The following GSG1L variants were observed in gnomAD, a reference collection of about 807,000 sequenced individuals.
GSG1L encodes the protein germ cell-specific gene 1-like protein.
A neutral mutation model predicts 42.1 loss-of-function variants in GSG1L; 24 were observed. The observed-to-expected ratio is 0.57, with a 90% CI of 0.41 to 0.80. The LOEUF (loss-of-function observed/expected upper bound fraction) is 0.80. Ranked by LOEUF, GSG1L falls within the 30% of genes least tolerant of loss-of-function variation. GSG1L has a pLI of 0.00. For synonymous variants in GSG1L, 215 were observed against 203.5 expected, an observed-to-expected ratio of 1.06 and a Z score of -0.48; for missense variants, 445 against 472.2, an observed-to-expected ratio of 0.94 and a Z score of 0.53.
intron 2 of GSG1L, among the ~76,000 whole-genome samples, chr16:27,956,946 G>A (rs1321035225): frequency 6.6e-6 from 1 of 152,210 alleles, no homozygotes; most frequent in Non-Finnish European, 1.5e-5. Context: ...TATTTGGTAG[G>A]AGACTCTTGC....
chr16:27,980,901 C>A (rs150642657), intron 1 of GSG1L, among the ~76,000 whole-genome samples: 793 of 126,342 alleles, frequency 6.3e-3, no homozygotes, highest in Middle Eastern at 0.013. Context: ...AACCAAAAAA[C>A]AAAAAAAAAA....
intron 1 of GSG1L, among the ~76,000 whole-genome samples, chr16:27,968,281 G>T (rs1278794754): frequency 6.6e-6 from 1 of 151,576 alleles, no homozygotes; most frequent in Non-Finnish European, 1.5e-5. Flanking sequence ...ATAAGGTCTT[G>T]CCCTGTTGCC....
intron 2 of GSG1L, among the ~76,000 whole-genome samples, chr16:27,935,823 A>C (rs2084709578): frequency 1.4e-5 from 2 of 147,756 alleles, no homozygotes; most frequent in South Asian, 4.5e-4. Flanking sequence ...ACAAGCATCC[A>C]TCCTCCTCCT....
rs376946733 is a variant in GSG1L, at chr16:27,870,928, T to G, written c.550+13558A>C. 3.3e-5 allele frequency among the ~76,000 whole-genome samples: 5 copies of G among 151,482 alleles called. No individual in the cohort carries two copies. The East Asian group carries it at 5.8e-4, about 18-fold the overall frequency. Reference sequence around the variant, plus strand: ...CTCTCCAGCCTGTACCGGCCCTGCCTGCCCTTCCTGTACCCCAACAACAGT... The same window carrying G: ...CTCTCCAGCCTGTACCGGCCCTGCCGGCCCTTCCTGTACCCCAACAACAGT... On this transcript the variant is annotated intron_variant, in intron 3 of 6. Transcript: ENST00000447459.
intron 4 of GSG1L, among the ~76,000 whole-genome samples, chr16:27,843,987 G>A (rs1255302886): frequency 6.6e-6 from 1 of 152,164 alleles, no homozygotes; most frequent in Non-Finnish European, 1.5e-5. Context: ...AGCCAGCCCA[G>A]CAACAAAGTA....
At position 27,807,450 on chromosome 16, in the gene GSG1L, A is replaced by G. The variant is rs372065461; in HGVS notation, c.898+37T>C. 2.1e-5 allele frequency: 33 copies of G among 1,571,596 alleles called. No homozygotes were observed. The African/African-American group carries it at 4.3e-4, about 21-fold the overall frequency. ...TTCTTTCTCCTCTGGCAGCCCATGA[A>G]TCTGTCGTAGCAGATACCCACAAAC... On this transcript the variant is annotated intron_variant, in intron 6 of 6. Coordinates refer to ENST00000447459, the MANE Select transcript of GSG1L (RefSeq NM_001109763.2).
chr16:28,063,636 G>C lies in GSG1L; in HGVS notation c.-212C>G, dbSNP rs908794844. 1 of 149,712 alleles carries C rather than the reference G, an allele frequency of 6.7e-6. No homozygotes were observed. Among genetic ancestry groups the C allele is most frequent in the African/African-American group, 2.5e-5 (1 of 40,592 alleles). The allele number at this position is 149,712 out of a possible 1,614,324, so 9.3% of individuals were successfully genotyped here. A position where few individuals can be genotyped will look rare whatever the true frequency, so the allele number is the denominator to read the frequency against. On this transcript the variant is annotated 5_prime_UTR_variant, in exon 1 of 7. Coordinates refer to ENST00000447459, the MANE Select transcript of GSG1L (RefSeq NM_001109763.2). This position sits in a 1 kb window ranked among gnomAD's most constrained non-coding sequence, Gnocchi z 5.8. ...GGCGTGCGGGGCGGGCTGGCGGGGCGGGCGGCGGTGGAGGAGCGGCTACGG... is the reference window on the plus strand; with the variant it reads ...GGCGTGCGGGGCGGGCTGGCGGGGCCGGCGGCGGTGGAGGAGCGGCTACGG...
At chr16:27,981,009 T>C (rs909803099) in intron 1 of GSG1L, among the ~76,000 whole-genome samples, 1 of 151,676 alleles carries the variant, frequency 6.6e-6, no homozygotes, top group Non-Finnish European at 1.5e-5. Flanking sequence ...AGGATTCCAA[T>C]CAAGACAGCT....
At chr16:27,939,153 G>A (rs1160622778) in intron 2 of GSG1L, among the ~76,000 whole-genome samples, 8 of 151,632 alleles carry the variant, frequency 5.3e-5, no homozygotes, top group East Asian at 3.9e-4. Flanking sequence ...ACAGGGTTTC[G>A]CTCCGTCACC....
intron 1 of GSG1L, among the ~76,000 whole-genome samples, chr16:28,056,241 T>C (rs1041224368): frequency 2.0e-5 from 3 of 151,910 alleles, no homozygotes; most frequent in African/African-American, 7.2e-5. Flanking sequence ...CAATGATAGA[T>C]TGAATTAAGA....
intron 3 of GSG1L, among the ~76,000 whole-genome samples, chr16:27,864,229 T>C (rs1039895584): frequency 6.6e-6 from 1 of 152,222 alleles, no homozygotes; most frequent in Non-Finnish European, 1.5e-5. Context: ...GGAGATGGAA[T>C]GTTTTGATTG....
chr16:27,897,603 T>C (rs985579167), intron 2 of GSG1L, among the ~76,000 whole-genome samples: 2 of 152,164 alleles, frequency 1.3e-5, no homozygotes, highest in Non-Finnish European at 2.9e-5. Context: ...CCCAGCCAAC[T>C]TCCTTTCTTT....
chr16:27,997,592 A>T (rs1367200838), intron 1 of GSG1L, among the ~76,000 whole-genome samples: 1 of 151,840 alleles, frequency 6.6e-6, no homozygotes, highest in East Asian at 1.9e-4. Context: ...CATTTGCACC[A>T]CGTAAGCTAA....
At chr16:27,990,284 G>C (rs958084980) in intron 1 of GSG1L, among the ~76,000 whole-genome samples, 6 of 152,088 alleles carry the variant, frequency 3.9e-5, no homozygotes, top group South Asian at 2.1e-4. Flanking sequence ...ACACTTGTGA[G>C]CAAAATGGAG....
In GSG1L at chr16:27,884,404, T is replaced by C; in HGVS notation, c.550+82A>G. 7.5e-7 allele frequency: 1 copy of C among 1,334,632 alleles called. No homozygotes were observed. Among genetic ancestry groups the C allele is most frequent in the South Asian group, 1.5e-5 (1 of 67,200 alleles). The allele number at this position is 1,334,632 out of a possible 1,614,324, so 82.7% of individuals were successfully genotyped here. A position where few individuals can be genotyped will look rare whatever the true frequency, so the allele number is the denominator to read the frequency against. ...AAGCAATTTGTCCAATGCCTCCCGG[T>C]TGGTACAACCAGGGCTTACTCCAAG... is the stretch of plus-strand genomic sequence containing the variant. On this transcript the variant is annotated intron_variant, in intron 3 of 6. Transcript: ENST00000447459. This position sits in a 1 kb window ranked among gnomAD's most constrained non-coding sequence, Gnocchi z 4.4.
chr16:27,897,925 C>T (rs768929487), intron 2 of GSG1L, among the ~76,000 whole-genome samples: 6 of 152,244 alleles, frequency 3.9e-5, no homozygotes, highest in Non-Finnish European at 8.8e-5. Context: ...ATTCTAGGTC[C>T]TCTGTAAACG....
chr16:28,030,403 G>T (rs1212681711), intron 1 of GSG1L, among the ~76,000 whole-genome samples: 1 of 152,082 alleles, frequency 6.6e-6, no homozygotes, highest in Non-Finnish European at 1.5e-5. Context: ...GAGCTGCTGG[G>T]GCCACTACAT....
At chr16:27,936,157 G>C (rs915860313) in intron 2 of GSG1L, among the ~76,000 whole-genome samples, 1 of 152,008 alleles carries the variant, frequency 6.6e-6, no homozygotes, top group Admixed American at 6.6e-5. Context: ...GAAGTGGTCA[G>C]ACTCACAGCA....
chr16:27,870,912 C>T (rs772399964), intron 3 of GSG1L, among the ~76,000 whole-genome samples: 1 of 151,390 alleles, frequency 6.6e-6, no homozygotes, highest in Non-Finnish European at 1.5e-5. Flanking sequence ...GCTCTCCAGC[C>T]TGTACCGGCC....
Sources: gnomAD v4.1 joint callset for allele counts (sites outside exome capture counted in the v4.1 genomes callset) on GRCh38, gnomAD v4.1.1 for gene constraint, Gnocchi (gnomAD v3.1) non-coding constraint, MANE v1.5 for transcripts, NCBI Gene and HGNC (gene_info 2026-07-23, HGNC 2026-07-21) for gene names.